Variants in LRP1B observed in about 807,000 individuals in gnomAD.
LRP1B encodes the protein LDL receptor related protein 1B.
In LRP1B, 217 loss-of-function variants were observed where a neutral mutation model predicts 556.6. That is an observed-to-expected ratio of 0.39 (90% CI 0.35 to 0.44). LRP1B has a LOEUF of 0.44. Among genes scored for constraint, LRP1B ranks in the 20% least tolerant of loss-of-function variants. The pLI, the probability that LRP1B is intolerant of heterozygous loss-of-function variation, is 1.00. For synonymous variants in LRP1B, 2,047 were observed against 1,865.8 expected, an observed-to-expected ratio of 1.10 and a Z score of -2.50; for missense variants, 5,053 against 5,620.8, an observed-to-expected ratio of 0.90 and a Z score of 3.23.
intron 86 of LRP1B, among the ~76,000 whole-genome samples, chr2:140,265,281 T>C (rs1052063422): frequency 1.4e-5 from 1 of 69,028 alleles, no homozygotes; most frequent in South Asian, 5.0e-4. Context: ...ACACATTAGA[T>C]TTTTTTAAAA....
chr2:140,808,584 T>A (rs11678066), intron 32 of LRP1B, among the ~76,000 whole-genome samples: 70,475 of 151,892 alleles, frequency 0.46, 17,529 homozygotes, highest in East Asian at 0.58. Flanking sequence ...TCAACTATCA[T>A]ACTATACGTT....
intron 23 of LRP1B, chr2:140,898,329 G>A (rs1373353000): frequency 6.5e-6 from 1 of 153,814 alleles, no homozygotes; most frequent in Non-Finnish European, 1.4e-5. Context: ...ACTAAGTCTG[G>A]GGAACACAAC....
At chr2:141,010,308 A>C (rs900904280) in intron 14 of LRP1B, among the ~76,000 whole-genome samples, 1 of 152,058 alleles carries the variant, frequency 6.6e-6, no homozygotes, top group Non-Finnish European at 1.5e-5. Flanking sequence ...AAAGCTTTAA[A>C]ACTTGTTCTA....
chr2:141,968,719 G>A (rs944898501), intron 1 of LRP1B, among the ~76,000 whole-genome samples: 2 of 151,646 alleles, frequency 1.3e-5, no homozygotes, highest in African/African-American at 4.8e-5. Flanking sequence ...TTCCCTTTCT[G>A]TTTTCTGTTT....
At chr2:141,505,645 T>C (rs1463656442) in intron 2 of LRP1B, among the ~76,000 whole-genome samples, 1 of 152,054 alleles carries the variant, frequency 6.6e-6, no homozygotes, top group Admixed American at 6.6e-5. Context: ...AATTGTCTTT[T>C]AGTTACCTAG....
At chr2:141,755,990 GATAA>G (rs1694305292) in intron 2 of LRP1B, among the ~76,000 whole-genome samples, 1 of 122,124 alleles carries the variant, frequency 8.2e-6, no homozygotes, top group Admixed American at 8.8e-5. Context: ...ACAGAAAAAA[GATAA>G]AGTAAACAAA....
chr2:141,296,489 A>G (rs772510786), intron 3 of LRP1B, among the ~76,000 whole-genome samples: 5 of 152,216 alleles, frequency 3.3e-5, no homozygotes, highest in Non-Finnish European at 5.9e-5. Context: ...CCACTATTCT[A>G]TAACTGCCTT....
chr2:141,678,854 A>G (rs930448321), intron 2 of LRP1B, among the ~76,000 whole-genome samples: 1 of 152,130 alleles, frequency 6.6e-6, no homozygotes, highest in Non-Finnish European at 1.5e-5. Flanking sequence ...GCTTTAGATG[A>G]TACCCACTCC....
intron 3 of LRP1B, among the ~76,000 whole-genome samples, chr2:141,392,478 A>G (rs1004513102): frequency 1.4e-5 from 2 of 145,840 alleles, no homozygotes; most frequent in African/African-American, 5.5e-5. Context: ...AAAAAAAAAA[A>G]AAAGAGAGAC....
intron 42 of LRP1B, among the ~76,000 whole-genome samples, chr2:140,599,841 T>C (rs1682585456): frequency 1.3e-5 from 2 of 152,088 alleles, no homozygotes; most frequent in African/African-American, 4.8e-5. Context: ...GTAATTAAAG[T>C]TTTCACAAAT....
intron 2 of LRP1B, among the ~76,000 whole-genome samples, chr2:141,492,488 T>A (rs1683371004): frequency 1.3e-5 from 2 of 152,278 alleles, no homozygotes; most frequent in South Asian, 4.2e-4. Flanking sequence ...CTGGCATATT[T>A]ATCAAAACAA....
intron 84 of LRP1B, among the ~76,000 whole-genome samples, chr2:140,277,102 T>C (rs570086860): frequency 1.3e-4 from 20 of 151,864 alleles, no homozygotes; most frequent in Admixed American, 7.9e-4. Context: ...TTTATAACTA[T>C]ACCCCTGAAA....
chr2:140,855,493 G>GAAAAAAAAAAAAA (rs56835236), intron 27 of LRP1B, among the ~76,000 whole-genome samples: 2 of 99,364 alleles, frequency 2.0e-5, no homozygotes, highest in Admixed American at 1.1e-4. Flanking sequence ...TCTCTACTGG[G>GAAAAAAAAAAAAA]AAAAAAAAAA....
chr2:141,374,394 G>A (rs917099160), intron 3 of LRP1B, among the ~76,000 whole-genome samples: 1 of 152,118 alleles, frequency 6.6e-6, no homozygotes, highest in Non-Finnish European at 1.5e-5. Flanking sequence ...GGGTCACCGG[G>A]TCTCCTATAT....
chr2:141,430,826 C>A (rs1221956021), intron 3 of LRP1B, among the ~76,000 whole-genome samples: 2 of 151,982 alleles, frequency 1.3e-5, no homozygotes, highest in African/African-American at 4.8e-5. Context: ...GGTTCCTAAT[C>A]TGACTTTAAA....
intron 20 of LRP1B, among the ~76,000 whole-genome samples, chr2:140,941,515 G>A (rs569880707): frequency 2.4e-4 from 36 of 152,208 alleles, no homozygotes; most frequent in African/African-American, 8.4e-4. Context: ...ATTGAAATAC[G>A]AAAGACATGA....
At chr2:140,649,724 C>A (rs374948039) in intron 41 of LRP1B, among the ~76,000 whole-genome samples, 2 of 152,124 alleles carry the variant, frequency 1.3e-5, no homozygotes, top group African/African-American at 4.8e-5. Flanking sequence ...CACCAGATCC[C>A]GTGAATCTAC....
intron 59 of LRP1B, among the ~76,000 whole-genome samples, chr2:140,480,823 T>TA (rs1688205845): frequency 6.6e-6 from 1 of 152,184 alleles, no homozygotes; most frequent in Non-Finnish European, 1.5e-5. Context: ...GGTAACGATC[T>TA]AGGCAGCTTT....
At chr2:141,067,803 G>C (rs746251779) in intron 7 of LRP1B, among the ~76,000 whole-genome samples, 1 of 151,888 alleles carries the variant, frequency 6.6e-6, no homozygotes, top group Non-Finnish European at 1.5e-5. Flanking sequence ...CAAAGTATGC[G>C]GTCCACCTGG....
Sources: gnomAD v4.1 joint callset for allele counts (sites outside exome capture counted in the v4.1 genomes callset) on GRCh38, gnomAD v4.1.1 for gene constraint, MANE v1.5 for transcripts, NCBI Gene and HGNC (gene_info 2026-07-23, HGNC 2026-07-21) for gene names.